The following RBX1 variants were observed in gnomAD, a reference collection of about 807,000 sequenced individuals.
RBX1 encodes the protein E3 ubiquitin-protein ligase RBX1.
For synonymous variants in RBX1, 48 were observed against 47.9 expected, an observed-to-expected ratio of 1.00 and a Z score of -0.01; for missense variants, 46 against 141.4, an observed-to-expected ratio of 0.33 and a Z score of 3.42.
chr22:40,965,646 G>GCCTT (rs1204300309), intron 3 of RBX1, among the ~76,000 whole-genome samples: 2 of 152,178 alleles, frequency 1.3e-5, no homozygotes, highest in Non-Finnish European at 2.9e-5. Context: ...TCGCCATGTT[G>GCCTT]GCCAGGCTGG....
Position 40,965,589 on chromosome 22 carries a change from T to C in RBX1, c.228+1472T>C, listed in dbSNP as rs5758145. Among the ~76,000 whole-genome samples the C allele has an allele frequency of 7.4e-3, 1,128 of 152,142 alleles. 114 individuals are homozygous for C. The East Asian group carries it at 0.2, about 27-fold the overall frequency. ...CCGAGTAGCTGGGATTACAGGTGTG[T>C]ACCACCACACCCAGCTAATTTTTGT... On this transcript the variant is annotated intron_variant, in intron 3 of 4. Coordinates refer to ENST00000216225, the MANE Select transcript of RBX1 (RefSeq NM_014248.4).
intron 4 of RBX1, 91 bp from the exon 5 acceptor site, chr22:40,972,385 A>G (rs1440826641): frequency 5.2e-6 from 5 of 957,078 alleles, no homozygotes; most frequent in Non-Finnish European, 8.4e-6. Flanking sequence ...CTTAGGTTCT[A>G]ACTAAAGTTG....
intron 2 of RBX1, among the ~76,000 whole-genome samples, chr22:40,958,767 A>G (rs1197131679): frequency 2.0e-5 from 3 of 146,694 alleles, no homozygotes; most frequent in East Asian, 2.1e-4. Flanking sequence ...CTACAGATCC[A>G]TCAGTATTTT....
At chr22:40,961,056 G>T (rs906623297) in intron 2 of RBX1, among the ~76,000 whole-genome samples, 26 of 147,404 alleles carry the variant, frequency 1.8e-4, no homozygotes, top group Non-Finnish European at 2.7e-4. Flanking sequence ...GAGCCACCAC[G>T]CCCGGCCGAG....
intron 1 of RBX1, among the ~76,000 whole-genome samples, chr22:40,952,493 G>A (rs1051124894): frequency 2.6e-5 from 4 of 152,102 alleles, no homozygotes; most frequent in Admixed American, 6.6e-5. Context: ...TAGAAGTAGG[G>A]GCTTTTCCTC....
intron 3 of RBX1, chr22:40,967,464 A>G: frequency 5.7e-6 from 1 of 175,256 alleles, no homozygotes; most frequent in Non-Finnish European, 1.2e-5. Flanking sequence ...CTCCTTTCCC[A>G]AAGAAAGTGG....
intron 2 of RBX1, among the ~76,000 whole-genome samples, chr22:40,954,872 C>T (rs1167661245): frequency 2.0e-5 from 3 of 151,986 alleles, no homozygotes; most frequent in East Asian, 1.9e-4. Flanking sequence ...CTGCAACCTC[C>T]GCCTCCCGAG....
chr22:40,960,907 C>T (rs933542347), intron 2 of RBX1, among the ~76,000 whole-genome samples: 6 of 150,530 alleles, frequency 4.0e-5, no homozygotes, highest in Non-Finnish European at 5.9e-5. Context: ...TATAGGCATG[C>T]GCCACCCACC....
rs968247703 is a variant in RBX1, at chr22:40,963,425, C to T, written c.158-622C>T. Reference sequence around the variant, plus strand: ...CTGAGGTGGGCGGATCACCTGAGGTCAGGAGTTTGAGACCAGCCTGGCCAA... The same window carrying T: ...CTGAGGTGGGCGGATCACCTGAGGTTAGGAGTTTGAGACCAGCCTGGCCAA... On this transcript the variant is annotated intron_variant, in intron 2 of 4. Transcript: ENST00000216225. Among the ~76,000 whole-genome samples, 3 of 152,004 alleles carry T rather than the reference C, an allele frequency of 2.0e-5. No homozygotes were observed. In the South Asian group the frequency reaches 6.2e-4, roughly 32 times the overall value.
chr22:40,958,515 T>C (rs1287733006), intron 2 of RBX1, among the ~76,000 whole-genome samples: 2 of 152,228 alleles, frequency 1.3e-5, no homozygotes, highest in African/African-American at 4.8e-5. Flanking sequence ...GGCTGTGCCC[T>C]AGTCGGATTC....
At chr22:40,961,509 G>A (rs2058340211) in intron 2 of RBX1, among the ~76,000 whole-genome samples, 1 of 151,832 alleles carries the variant, frequency 6.6e-6, no homozygotes, top group Non-Finnish European at 1.5e-5. Context: ...CGCCTCCCGG[G>A]TTCACACCAT....
intron 2 of RBX1, among the ~76,000 whole-genome samples, chr22:40,962,957 A>G (rs979085693): frequency 2.0e-5 from 3 of 150,944 alleles, no homozygotes; most frequent in Admixed American, 6.6e-5. Context: ...CGGCCTCCCA[A>G]AGTGCTGAGA....
chr22:40,956,598 G>A (rs1011970985), intron 2 of RBX1, among the ~76,000 whole-genome samples: 3 of 151,522 alleles, frequency 2.0e-5, no homozygotes, highest in Non-Finnish European at 4.4e-5. Flanking sequence ...TGATCCATTC[G>A]CCTTGGCCTC....
chr22:40,956,510 C>T (rs932094378), intron 2 of RBX1, among the ~76,000 whole-genome samples: 3 of 151,288 alleles, frequency 2.0e-5, no homozygotes, highest in East Asian at 2.0e-4. Context: ...CCACCTCACC[C>T]GGCTCATTTT....
At chr22:40,964,647 G>T (rs944276323) in intron 3 of RBX1, among the ~76,000 whole-genome samples, 4 of 152,172 alleles carry the variant, frequency 2.6e-5, no homozygotes, top group African/African-American at 9.7e-5. Context: ...AGCTGTGAAG[G>T]ATAACAAATA....
chr22:40,951,613 C>T (rs1413067585), intron 1 of RBX1, 137 bp downstream of exon 1: 5 of 778,156 alleles, frequency 6.4e-6, no homozygotes, highest in East Asian at 2.8e-5. Flanking sequence ...GAAAGGAAGC[C>T]GGGGGGCGGG....
intron 3 of RBX1, chr22:40,966,650 A>G (rs1325730850): frequency 6.6e-6 from 1 of 152,150 alleles, no homozygotes; most frequent in Non-Finnish European, 1.5e-5. Flanking sequence ...ACTGAATTAT[A>G]TTTTTGTCTT....
intron 2 of RBX1, among the ~76,000 whole-genome samples, chr22:40,956,542 G>GGTTT (rs2058325959): frequency 6.6e-6 from 1 of 151,474 alleles, no homozygotes; most frequent in Non-Finnish European, 1.5e-5. Context: ...TGAGAGACAG[G>GGTTT]GTTTCACCAT....
At chr22:40,951,529 C>A (rs1057126389) in intron 1 of RBX1, 53 bp downstream of exon 1, 4 of 1,559,154 alleles carry the variant, frequency 2.6e-6, no homozygotes, top group African/African-American at 2.7e-5. Context: ...GCGGATCTGG[C>A]TGGCAGGCCC....
Sources: gnomAD v4.1 joint callset for allele counts (sites outside exome capture counted in the v4.1 genomes callset) on GRCh38, gnomAD v4.1.1 for gene constraint, MANE v1.5 for transcripts, NCBI Gene and HGNC (gene_info 2026-07-23, HGNC 2026-07-21) for gene names.